Variants in TENT4B observed in about 807,000 individuals in gnomAD.
The protein encoded by TENT4B is terminal nucleotidyltransferase 4B.
A neutral mutation model predicts 75.0 loss-of-function variants in TENT4B; 10 were observed. That is an observed-to-expected ratio of 0.13 (90% CI 0.08 to 0.23). TENT4B has a LOEUF of 0.23. Among genes scored for constraint, TENT4B ranks in the 10% least tolerant of loss-of-function variants. The probability of loss-of-function intolerance (pLI) is 1.00; values close to 1 mark genes in which losing one functional copy is unlikely to be tolerated. For missense variants in TENT4B, 579 were observed against 893.8 expected (o/e 0.65, Z 4.49); for synonymous variants, 350 against 357.7 (o/e 0.98, Z 0.24).
intron 1 of TENT4B, among the ~76,000 whole-genome samples, chr16:50,198,482 G>A (rs2030425463): frequency 6.6e-6 from 1 of 151,074 alleles, no homozygotes; most frequent in African/African-American, 2.4e-5. Flanking sequence ...ACTTACTAGA[G>A]CATCAAATCC....
intron 1 of TENT4B, among the ~76,000 whole-genome samples, chr16:50,175,021 GT>G (rs2038278724): frequency 6.6e-6 from 1 of 151,858 alleles, no homozygotes; most frequent in Non-Finnish European, 1.5e-5. Flanking sequence ...GATTACAGGG[GT>G]GAGCCACCAT....
At chr16:50,163,747 A>T (rs2038044662) in intron 1 of TENT4B, among the ~76,000 whole-genome samples, 1 of 151,650 alleles carries the variant, frequency 6.6e-6, no homozygotes, top group African/African-American at 2.4e-5. Flanking sequence ...TTGACTTTTT[A>T]GTGTTTTTAT....
At chr16:50,161,378 G>A (rs1388811241) in intron 1 of TENT4B, among the ~76,000 whole-genome samples, 1 of 152,064 alleles carries the variant, frequency 6.6e-6, no homozygotes, top group East Asian at 1.9e-4. Context: ...CTATTCACTT[G>A]GACAATTTTA....
intron 10 of TENT4B, among the ~76,000 whole-genome samples, chr16:50,227,135 A>G (rs914201581): frequency 3.9e-5 from 6 of 152,228 alleles, no homozygotes; most frequent in African/African-American, 1.4e-4. Flanking sequence ...GATGATGACC[A>G]TGTGTCAATA....
At chr16:50,214,872 TG>T (rs2031469366) in intron 3 of TENT4B, among the ~76,000 whole-genome samples, 1 of 152,188 alleles carries the variant, frequency 6.6e-6, no homozygotes, top group Admixed American at 6.5e-5. Context: ...CTGACACAGA[TG>T]TTAATGTAGT....
Position 50,177,143 on chromosome 16 carries a change from C to T in TENT4B, c.638+22884C>T, listed in dbSNP as rs143957687. On this transcript the variant is annotated intron_variant, in intron 1 of 11. Transcript: ENST00000561678. ...TCAGTCTCCTGAGTAGCTAGAATTA[C>T]AGGCATGCACCACCATGCCTGGCTA... Among the ~76,000 whole-genome samples the T allele has an allele frequency of 1.2e-3, 187 of 151,954 alleles. 2 individuals are homozygous for T. In the East Asian group the frequency reaches 0.034, roughly 28 times the overall value.
At chr16:50,191,446 A>AT (rs1218068292) in intron 1 of TENT4B, among the ~76,000 whole-genome samples, 3 of 151,664 alleles carry the variant, frequency 2.0e-5, no homozygotes, top group South Asian at 2.1e-4. Flanking sequence ...TTTATTTTTA[A>AT]TTTTTTTTGT....
chr16:50,184,929 T>G (rs186964681), intron 1 of TENT4B, among the ~76,000 whole-genome samples: 38 of 152,268 alleles, frequency 2.5e-4, no homozygotes, highest in African/African-American at 8.4e-4. Context: ...ATCCCCACTT[T>G]TGGTTCTGAG....
At chr16:50,170,960 G>GT (rs11424639) in intron 1 of TENT4B, among the ~76,000 whole-genome samples, 91,126 of 146,728 alleles carry the variant, frequency 0.62, 29,086 homozygotes, top group South Asian at 0.7. Flanking sequence ...TGTGCCCAGT[G>GT]TTTTTTTTTT....
At position 50,230,608 on chromosome 16, in the gene TENT4B, A is replaced by G; in HGVS notation, c.*1280A>G. On this transcript the variant is annotated 3_prime_UTR_variant, in exon 12 of 12. Transcript: ENST00000561678. Reference sequence around the variant, plus strand: ...ATTTTGTATTGCCTTATTAAGACCAAATACTTCTTGTCATCCCATTCTTTA... The same window carrying G: ...ATTTTGTATTGCCTTATTAAGACCAGATACTTCTTGTCATCCCATTCTTTA... 4.1e-6 allele frequency: 4 copies of G among 983,814 alleles called. No homozygotes were observed. Among genetic ancestry groups the G allele is most frequent in the Non-Finnish European group, 4.8e-6 (4 of 828,094 alleles). The allele number at this position is 983,814 out of a possible 1,614,324, so 60.9% of individuals were successfully genotyped here.
At chr16:50,201,923 T>C (rs2150723514) in intron 1 of TENT4B, among the ~76,000 whole-genome samples, 1 of 150,034 alleles carries the variant, frequency 6.7e-6, no homozygotes, top group Admixed American at 6.6e-5. Context: ...TTGCTTGAGC[T>C]CAGGAGTTTG....
chr16:50,230,717 G>A lies in TENT4B; in HGVS notation c.*1389G>A. 3 of 985,704 alleles carry A rather than the reference G, an allele frequency of 3.0e-6. No individual in the cohort carries two copies. Among genetic ancestry groups the A allele is most frequent in the Non-Finnish European group, 3.6e-6 (3 of 829,878 alleles). The allele number at this position is 985,704 out of a possible 1,614,324, so 61.1% of individuals were successfully genotyped here. ...TTCAATCATACTGTAAATTTTGGTT[G>A]TAGTCAGCTTTGAGTGCAATGAGAT... On this transcript the variant is annotated 3_prime_UTR_variant, in exon 12 of 12. Transcript: ENST00000561678.
At chr16:50,207,990 AGATATT>A (rs566394453) in intron 1 of TENT4B, among the ~76,000 whole-genome samples, 606 of 152,330 alleles carry the variant, frequency 4.0e-3, no homozygotes, top group Admixed American at 0.01. Flanking sequence ...CAGTATTCCA[AGATATT>A]TTATCTGGTT....
chr16:50,153,071 G>C, upstream of TENT4B: 2 of 1,409,824 alleles, frequency 1.4e-6, no homozygotes, highest in South Asian at 1.4e-5. Context: ...AAGTACGGTT[G>C]GGCCAGGCGG....
chr16:50,222,572 A>G (rs1458113080), intron 6 of TENT4B, 138 bp downstream of exon 6: 2 of 861,274 alleles, frequency 2.3e-6, no homozygotes. Flanking sequence ...TTTCCCTTTA[A>G]ACTGGGTACA....
rs749962461 is a variant in TENT4B, at chr16:50,233,487, C to A, written c.*4159C>A. The stretch of plus-strand genomic sequence containing the variant: ...TGTTCTAAGCCATCTTGACTTCACA[C>A]CCTTAGCGACTTTTCTTTTTTTTTT... On this transcript the variant is annotated 3_prime_UTR_variant, in exon 12 of 12. Transcript: ENST00000561678. 5 of 985,170 alleles carry A rather than the reference C, an allele frequency of 5.1e-6. No individual in the cohort carries two copies. The highest frequency in any genetic ancestry group is 6.0e-6 in the Non-Finnish European group (5 of 829,852). 61.0% of individuals were successfully genotyped at this position (985,170 alleles called of 1,614,324 possible). A position where few individuals can be genotyped will look rare whatever the true frequency, so the allele number is the denominator to read the frequency against.
intron 1 of TENT4B, among the ~76,000 whole-genome samples, chr16:50,191,966 G>A (rs2038648712): frequency 6.6e-6 from 1 of 151,848 alleles, no homozygotes; most frequent in Admixed American, 6.6e-5. Context: ...TAATAGGCCG[G>A]GCATGGTGTC....
intron 6 of TENT4B, among the ~76,000 whole-genome samples, chr16:50,222,847 T>C (rs2031890162): frequency 6.6e-6 from 1 of 152,190 alleles, no homozygotes; most frequent in Non-Finnish European, 1.5e-5. Context: ...GTGGGTATGT[T>C]TATGTGGCAC....
chr16:50,191,246 T>C (rs778741697), intron 1 of TENT4B, among the ~76,000 whole-genome samples: 2 of 152,076 alleles, frequency 1.3e-5, no homozygotes, highest in African/African-American at 2.4e-5. Context: ...CTGGATCATA[T>C]GGTAATTCCG....
Sources: gnomAD v4.1 joint callset for allele counts (sites outside exome capture counted in the v4.1 genomes callset) on GRCh38, gnomAD v4.1.1 for gene constraint, MANE v1.5 for transcripts, NCBI Gene and HGNC (gene_info 2026-07-23, HGNC 2026-07-21) for gene names.